MAML3: variants seen among roughly 807,000 people sequenced by gnomAD.
MAML3 encodes mastermind-like protein 3.
In MAML3, 27 loss-of-function variants were observed where a neutral mutation model predicts 101.9. That is an observed-to-expected ratio of 0.27 (90% CI 0.20 to 0.37). The LOEUF (loss-of-function observed/expected upper bound fraction) is 0.37. MAML3 is among the 10% of genes least tolerant of loss of function. The pLI is 1.00. For missense variants in MAML3, 1,316 were observed against 1,444.9 expected, an observed-to-expected ratio of 0.91 and a Z score of 1.45; for synonymous variants, 501 against 555.9, an observed-to-expected ratio of 0.90 and a Z score of 1.39.
intron 2 of MAML3, among the ~76,000 whole-genome samples, chr4:139,819,344 G>C (rs1730939296): frequency 6.6e-6 from 1 of 152,216 alleles, no homozygotes; most frequent in African/African-American, 2.4e-5. Context: ...TGGTGAGACA[G>C]AGAGGAAGCT....
intron 2 of MAML3, among the ~76,000 whole-genome samples, chr4:139,797,241 T>G (rs938649829): frequency 3.3e-5 from 5 of 152,206 alleles, no homozygotes; most frequent in African/African-American, 1.2e-4. Flanking sequence ...CATGCTGACA[T>G]TTAACTAATA....
intron 4 of MAML3, among the ~76,000 whole-genome samples, chr4:139,722,829 A>G (rs17050890): frequency 0.062 from 9,513 of 152,296 alleles, 479 homozygotes; most frequent in Admixed American, 0.14. Flanking sequence ...TCAGTTTGCT[A>G]TTTTCCCAGA....
intron 2 of MAML3, among the ~76,000 whole-genome samples, chr4:139,810,105 T>G (rs1165447781): frequency 6.6e-6 from 1 of 152,068 alleles, no homozygotes; most frequent in Admixed American, 6.6e-5. Context: ...AAAATACATT[T>G]TTTTTGACTT....
chr4:139,777,348 C>T (rs1051766585), intron 2 of MAML3, among the ~76,000 whole-genome samples: 36 of 152,214 alleles, frequency 2.4e-4, no homozygotes, highest in Admixed American at 1.8e-3. Context: ...CTTCCCTCCT[C>T]TACCTGCTCC....
At chr4:140,137,265 G>A (rs1728907229) in intron 1 of MAML3, among the ~76,000 whole-genome samples, 1 of 152,230 alleles carries the variant, frequency 6.6e-6, no homozygotes, top group African/African-American at 2.4e-5. Context: ...TGGGATTACA[G>A]GCGTGAGCCA....
intron 2 of MAML3, among the ~76,000 whole-genome samples, chr4:139,810,896 T>G (rs1229628976): frequency 5.3e-5 from 8 of 152,002 alleles, no homozygotes; most frequent in Non-Finnish European, 1.2e-4. Context: ...TTCCAGCCAA[T>G]GAGATGTCTA....
chr4:139,838,285 C>A (rs527531660), intron 2 of MAML3, among the ~76,000 whole-genome samples: 1 of 152,268 alleles, frequency 6.6e-6, no homozygotes, highest in African/African-American at 2.4e-5. Flanking sequence ...TAATTTTCGA[C>A]CAGGCACTAG....
rs553391884 is a variant in MAML3, at chr4:139,946,032, C to T, written c.469-55065G>A. Among the ~76,000 whole-genome samples the T allele has an allele frequency of 4.6e-5, 7 of 152,240 alleles. 1 individual carries two copies. The South Asian group carries it at 1.5e-3, about 32-fold the overall frequency. ...ATCTAATGAGAAAATGTTAAGTTTC[C>T]CCAAATGGTATGATGGTAGAATCAG... On this transcript the variant is annotated intron_variant, in intron 1 of 4. Coordinates refer to ENST00000509479, the MANE Select transcript of MAML3 (RefSeq NM_018717.5).
chr4:139,875,254 C>T (rs571525445), intron 2 of MAML3, among the ~76,000 whole-genome samples: 1 of 152,300 alleles, frequency 6.6e-6, no homozygotes, highest in South Asian at 2.1e-4. Flanking sequence ...TGCCACCCTC[C>T]CTACGAAGGC....
At chr4:139,948,507 A>G (rs1046304042) in intron 1 of MAML3, among the ~76,000 whole-genome samples, 5 of 152,212 alleles carry the variant, frequency 3.3e-5, no homozygotes, top group Admixed American at 6.5e-5. Flanking sequence ...ATTCTCCATG[A>G]CACTATTAAC....
intron 1 of MAML3, among the ~76,000 whole-genome samples, chr4:140,066,543 A>C (rs913490759): frequency 6.6e-6 from 1 of 152,242 alleles, no homozygotes; most frequent in South Asian, 2.1e-4. Flanking sequence ...TTTGACATGT[A>C]TGTGGAAAGA....
chr4:139,832,090 G>GCGC (rs141974241), intron 2 of MAML3, among the ~76,000 whole-genome samples: 1 of 90,644 alleles, frequency 1.1e-5, no homozygotes, highest in Non-Finnish European at 2.4e-5. Flanking sequence ...ATCATGCCCA[G>GCGC]CCCCTTTTTT....
intron 1 of MAML3, among the ~76,000 whole-genome samples, chr4:139,943,864 C>CCTTTTTTTTTTTT: frequency 1.5e-5 from 1 of 65,824 alleles, no homozygotes; most frequent in Non-Finnish European, 2.8e-5. Context: ...CTAAAGACAA[C>CCTTTTTTTTTTTT]TTTTTTTTTT....
chr4:139,736,517 A>G (rs1472401401), intron 2 of MAML3, among the ~76,000 whole-genome samples: 1 of 151,888 alleles, frequency 6.6e-6, no homozygotes, highest in Non-Finnish European at 1.5e-5. Context: ...AACCATACTC[A>G]TAAGACTCCT....
intron 1 of MAML3, among the ~76,000 whole-genome samples, chr4:139,906,556 T>C (rs1188511533): frequency 6.6e-6 from 1 of 152,216 alleles, no homozygotes; most frequent in Non-Finnish European, 1.5e-5. Context: ...GAACAAGGAA[T>C]GATGGTTAGG....
intron 2 of MAML3, among the ~76,000 whole-genome samples, chr4:139,736,990 C>T (rs1361103882): frequency 1.3e-5 from 2 of 152,136 alleles, no homozygotes; most frequent in Non-Finnish European, 2.9e-5. Context: ...CCCAAGAATT[C>T]TGAAAGGAGC....
At chr4:139,808,206 C>G (rs2111109445) in intron 2 of MAML3, among the ~76,000 whole-genome samples, 1 of 152,380 alleles carries the variant, frequency 6.6e-6, no homozygotes, top group Middle Eastern at 3.4e-3. Flanking sequence ...ATCCATCATT[C>G]ATTCATCCAT....
At chr4:140,084,836 G>C (rs1178043157) in intron 1 of MAML3, among the ~76,000 whole-genome samples, 1 of 152,180 alleles carries the variant, frequency 6.6e-6, no homozygotes, top group Non-Finnish European at 1.5e-5. Context: ...TCAAGGTTTT[G>C]TCAAACGATG....
intron 1 of MAML3, among the ~76,000 whole-genome samples, chr4:140,084,631 G>A (rs1052753148): frequency 1.3e-5 from 2 of 151,060 alleles, no homozygotes; most frequent in Non-Finnish European, 2.9e-5. Context: ...TTTTCACCTC[G>A]TTACTATGAA....
Sources: gnomAD v4.1 joint callset for allele counts (sites outside exome capture counted in the v4.1 genomes callset) on GRCh38, gnomAD v4.1.1 for gene constraint, MANE v1.5 for transcripts, NCBI Gene and HGNC (gene_info 2026-07-23, HGNC 2026-07-21) for gene names.